The following ERBB4 variants were observed in gnomAD, a reference collection of about 807,000 sequenced individuals.
ERBB4 encodes receptor tyrosine-protein kinase erbB-4.
ERBB4 carries 42 observed loss-of-function variants against 158.0 expected under a neutral mutation model. The observed-to-expected ratio is 0.27, with a 90% confidence interval of 0.21 to 0.34. The LOEUF (loss-of-function observed/expected upper bound fraction) is 0.34. Among genes scored for constraint, ERBB4 ranks in the 10% least tolerant of loss-of-function variants. The probability of loss-of-function intolerance (pLI) is 1.00; values close to 1 mark genes in which losing one functional copy is unlikely to be tolerated. For synonymous variants in ERBB4, 583 were observed against 558.7 expected (o/e 1.04, Z -0.61); for missense variants, 1,333 against 1,624.1 (o/e 0.82, Z 3.08).
chr2:211,775,743 G>A (rs1038454231), intron 4 of ERBB4, among the ~76,000 whole-genome samples: 2 of 152,166 alleles, frequency 1.3e-5, no homozygotes, highest in Non-Finnish European at 2.9e-5. Flanking sequence ...ATTCAACCAA[G>A]CACTCTGCTC....
At chr2:211,580,132 A>T (rs1252524983) in intron 19 of ERBB4, among the ~76,000 whole-genome samples, 1 of 152,182 alleles carries the variant, frequency 6.6e-6, no homozygotes, top group African/African-American at 2.4e-5. Context: ...AACAAAATTC[A>T]TTTAGTGAAT....
At chr2:211,501,289 G>A (rs13032894) in intron 20 of ERBB4, among the ~76,000 whole-genome samples, 21,892 of 151,464 alleles carry the variant, frequency 0.14, 2,108 homozygotes, top group East Asian at 0.38. Context: ...TACCACAATA[G>A]GGCTACCATA....
chr2:212,521,080 T>C (rs1692134344), intron 1 of ERBB4, among the ~76,000 whole-genome samples: 1 of 151,978 alleles, frequency 6.6e-6, no homozygotes, highest in Admixed American at 6.6e-5. Flanking sequence ...AAAAATACAT[T>C]CAGTCATACA....
chr2:211,736,455 T>C (rs1438880589), intron 5 of ERBB4, among the ~76,000 whole-genome samples: 1 of 152,198 alleles, frequency 6.6e-6, no homozygotes, highest in Admixed American at 6.5e-5. Context: ...TTTTATAATC[T>C]ACTAACAAGT....
chr2:211,455,523 C>T (rs1167679405), intron 20 of ERBB4, among the ~76,000 whole-genome samples: 1 of 152,144 alleles, frequency 6.6e-6, no homozygotes, highest in Non-Finnish European at 1.5e-5. Context: ...AAGGGAAAAG[C>T]TTCAAATGTC....
At chr2:212,275,277 G>A (rs1261851501) in intron 1 of ERBB4, among the ~76,000 whole-genome samples, 4 of 151,772 alleles carry the variant, frequency 2.6e-5, no homozygotes, top group African/African-American at 9.7e-5. Context: ...TAATCCTTTG[G>A]GTATATACCC....
intron 1 of ERBB4, among the ~76,000 whole-genome samples, chr2:212,460,444 G>A: frequency 6.6e-6 from 1 of 152,194 alleles, no homozygotes; most frequent in East Asian, 1.9e-4. Context: ...AATGCTGATA[G>A]TGATACGAAT....
intron 1 of ERBB4, among the ~76,000 whole-genome samples, chr2:212,463,921 C>T (rs1235775765): frequency 6.6e-6 from 1 of 152,074 alleles, no homozygotes; most frequent in East Asian, 1.9e-4. Context: ...AACTGACATG[C>T]AAACCTTCTC....
intron 2 of ERBB4, among the ~76,000 whole-genome samples, chr2:212,032,111 A>G (rs1361187339): frequency 6.6e-6 from 1 of 152,148 alleles, no homozygotes; most frequent in African/African-American, 2.4e-5. Context: ...TACAATTTTC[A>G]AACATGCCAT....
At chr2:211,861,363 T>TTTTTTTTTTTTTG (rs2078050587) in intron 3 of ERBB4, among the ~76,000 whole-genome samples, 1 of 99,770 alleles carries the variant, frequency 1.0e-5, no homozygotes, top group African/African-American at 3.9e-5. Flanking sequence ...TTTTTTTTTT[T>TTTTTTTTTTTTTG]TTTTTTACTT....
chr2:212,417,131 A>C (rs2091674096), intron 1 of ERBB4, among the ~76,000 whole-genome samples: 1 of 152,078 alleles, frequency 6.6e-6, no homozygotes, highest in East Asian at 1.9e-4. Context: ...ACTACATACT[A>C]TCAGTCCAAT....
intron 3 of ERBB4, among the ~76,000 whole-genome samples, chr2:211,876,962 T>C (rs551218294): frequency 4.6e-5 from 7 of 152,336 alleles, no homozygotes; most frequent in Admixed American, 4.6e-4. Context: ...CAAATACTGC[T>C]ATTCCACATC....
Position 212,427,398 on chromosome 2 carries a change from C to T in ERBB4, c.82+111051G>A, listed in dbSNP as rs112150321. On this transcript the variant is annotated intron_variant, in intron 1 of 27. Coordinates refer to ENST00000342788, the MANE Select transcript of ERBB4 (RefSeq NM_005235.3). The stretch of plus-strand genomic sequence containing the variant: ...CACCAATCATTATGCTAGTTTTAAA[C>T]GTTATCCCCTTTCTCTACTGTATAT... 7.7e-3 allele frequency among the ~76,000 whole-genome samples: 1,172 copies of T among 152,182 alleles called. 20 individuals carry two copies. Among genetic ancestry groups the T allele is most frequent in the African/African-American group, 0.026 (1,099 of 41,542 alleles).
chr2:212,226,653 T>G (rs2083480063), intron 1 of ERBB4, among the ~76,000 whole-genome samples: 1 of 152,182 alleles, frequency 6.6e-6, no homozygotes. Flanking sequence ...TCAGTCTATC[T>G]AAATACCCTC....
intron 1 of ERBB4, among the ~76,000 whole-genome samples, chr2:212,398,619 C>G (rs1419493376): frequency 6.6e-6 from 1 of 152,062 alleles, no homozygotes; most frequent in East Asian, 1.9e-4. Context: ...TGCTTATAGA[C>G]AGAGCTAATT....
chr2:212,339,641 A>G lies in ERBB4; in HGVS notation c.82+198808T>C, dbSNP rs192871427. ...CTGTTTCTTTCACTGAGTGAGCTCA[A>G]CTTATTAAAATGCAGCTAAACTGTG... is the stretch of plus-strand genomic sequence containing the variant. On this transcript the variant is annotated intron_variant, in intron 1 of 27. Transcript: ENST00000342788. Among the ~76,000 whole-genome samples, 13 of 152,318 alleles carry G rather than the reference A, an allele frequency of 8.5e-5. No homozygotes were observed. The East Asian group carries it at 1.7e-3, about 20-fold the overall frequency.
chr2:211,507,008 C>T (rs13382545), intron 20 of ERBB4, among the ~76,000 whole-genome samples: 132,110 of 152,020 alleles, frequency 0.87, 57,897 homozygotes, highest in African/African-American at 0.96. Flanking sequence ...ATAAGCACAA[C>T]CAGAAATGAT....
chr2:212,408,360 C>T (rs1297420194), intron 1 of ERBB4, among the ~76,000 whole-genome samples: 4 of 151,988 alleles, frequency 2.6e-5, no homozygotes, highest in Admixed American at 6.6e-5. Flanking sequence ...TCTGTTCCTA[C>T]GTTAAGTTTC....
At chr2:212,361,302 T>C (rs759129625) in intron 1 of ERBB4, among the ~76,000 whole-genome samples, 3 of 151,682 alleles carry the variant, frequency 2.0e-5, no homozygotes, top group Admixed American at 6.6e-5. Context: ...CATGCTTTCT[T>C]TGTCTAGACA....
Sources: gnomAD v4.1 joint callset for allele counts (sites outside exome capture counted in the v4.1 genomes callset) on GRCh38, gnomAD v4.1.1 for gene constraint, MANE v1.5 for transcripts, NCBI Gene and HGNC (gene_info 2026-07-23, HGNC 2026-07-21) for gene names.